ARHGAP35: variants seen among roughly 807,000 people sequenced by gnomAD.
ARHGAP35 encodes rho GTPase-activating protein 35.
ARHGAP35 carries 15 observed loss-of-function variants against 111.1 expected under a neutral mutation model. That is an observed-to-expected ratio of 0.13 (90% CI 0.09 to 0.21). The LOEUF (loss-of-function observed/expected upper bound fraction) is 0.21. Among genes scored for constraint, ARHGAP35 ranks in the 10% least tolerant of loss-of-function variants. The pLI, the probability that ARHGAP35 is intolerant of heterozygous loss-of-function variation, is 1.00. For missense variants in ARHGAP35, 1,262 were observed against 1,873.0 expected, an observed-to-expected ratio of 0.67 and a Z score of 6.02; for synonymous variants, 643 against 710.3, an observed-to-expected ratio of 0.91 and a Z score of 1.51.
At chr19:46,965,140 C>T (rs1418161301) in intron 3 of ARHGAP35, among the ~76,000 whole-genome samples, 2 of 152,088 alleles carry the variant, frequency 1.3e-5, no homozygotes, top group East Asian at 3.9e-4. Flanking sequence ...TGGTGAAACC[C>T]CGTCTCTACT....
chr19:46,900,951 TG>T, intron 1 of ARHGAP35, among the ~76,000 whole-genome samples: 1 of 152,218 alleles, frequency 6.6e-6, no homozygotes, highest in Admixed American at 6.5e-5. Flanking sequence ...CTCTACCACG[TG>T]CCGGGGCTTT....
At chr19:46,938,498 G>A (rs911795894) in intron 3 of ARHGAP35, among the ~76,000 whole-genome samples, 3 of 150,712 alleles carry the variant, frequency 2.0e-5, no homozygotes, top group East Asian at 2.0e-4. Context: ...GATTACAGGC[G>A]CCCGCCATGA....
intron 3 of ARHGAP35, among the ~76,000 whole-genome samples, chr19:46,963,864 A>T (rs1298310025): frequency 6.6e-6 from 1 of 151,912 alleles, no homozygotes; most frequent in Non-Finnish European, 1.5e-5. Flanking sequence ...TTATTTATTT[A>T]TTTTTAATTT....
At chr19:46,939,412 T>TATTC (rs1555760599) in intron 3 of ARHGAP35, among the ~76,000 whole-genome samples, 3 of 125,892 alleles carry the variant, frequency 2.4e-5, no homozygotes, top group African/African-American at 9.1e-5. Context: ...TTTATTTATT[T>TATTC]ATTATTTAAT....
rs145743445 is a variant in ARHGAP35, at chr19:46,992,304, G to A, written c.4036+2629G>A. ...TCACACCGCTAGGGAGTGGCAAGCC[G>A]GGGCTTGAGTCCCTGCGTACGTGGG... is the stretch of plus-strand genomic sequence containing the variant. On this transcript the variant is annotated intron_variant, in intron 5 of 6. Coordinates refer to ENST00000672722, the MANE Select transcript of ARHGAP35 (RefSeq NM_004491.5). This position sits in a 1 kb window ranked among gnomAD's most constrained non-coding sequence, Gnocchi z 4.4. 4.4e-4 allele frequency among the ~76,000 whole-genome samples: 67 copies of A among 152,294 alleles called. No homozygotes were observed. Among genetic ancestry groups the A allele is most frequent in the African/African-American group, 1.4e-3 (57 of 41,546 alleles).
chr19:46,897,338 A>G (rs1327810417), intron 1 of ARHGAP35, among the ~76,000 whole-genome samples: 1 of 151,930 alleles, frequency 6.6e-6, no homozygotes, highest in African/African-American at 2.4e-5. Flanking sequence ...TGTCCATTTC[A>G]TGAGGCATTT....
chr19:47,003,329 A>G lies in ARHGAP35; in HGVS notation c.*2641A>G, dbSNP rs528783407. On this transcript the variant is annotated 3_prime_UTR_variant, in exon 7 of 7. Transcript: ENST00000672722. ...TGTGTGCACAGAGGGTGCTCATGGG[A>G]CTCGCATGCAGCTCTCAGCACTGGG... The G allele has an allele frequency of 2.6e-5, 4 of 152,160 alleles. No homozygotes were observed. The South Asian group carries it at 8.3e-4, about 32-fold the overall frequency. 9.4% of individuals were successfully genotyped at this position (152,160 alleles called of 1,614,324 possible). A position where few individuals can be genotyped will look rare whatever the true frequency, so the allele number is the denominator to read the frequency against.
In ARHGAP35 at chr19:46,986,670, CTTAATA is replaced by C. The variant is rs1396845419; in HGVS notation, c.3827-1316_3827-1311del. Among the ~76,000 whole-genome samples the C allele has an allele frequency of 2.6e-5, 4 of 152,088 alleles. No homozygotes were observed. Among genetic ancestry groups the C allele is most frequent in the African/African-American group, 9.7e-5 (4 of 41,400 alleles). On this transcript the variant is annotated intron_variant, in intron 3 of 6. Transcript: ENST00000672722. This position sits in a 1 kb window ranked among gnomAD's most constrained non-coding sequence, Gnocchi z 4.3. The stretch of plus-strand genomic sequence containing the variant: ...AACATATATAACGTTGATATAATTA[CTTAATA>C]TTCATAGACTTTCTCAAGTTCAAAA...
chr19:46,937,123 A>G, intron 2 of ARHGAP35, 141 bp from the exon 3 acceptor site: 1 of 1,048,578 alleles, frequency 9.5e-7, no homozygotes, highest in Non-Finnish European at 1.4e-6. Context: ...TACAGGCATG[A>G]GTCACCGTAT....
intron 1 of ARHGAP35, among the ~76,000 whole-genome samples, chr19:46,892,407 G>A (rs1034399145): frequency 2.0e-5 from 3 of 149,358 alleles, no homozygotes; most frequent in African/African-American, 7.4e-5. Flanking sequence ...GGAAGTCTAG[G>A]CTGTAGTGAG....
intron 1 of ARHGAP35, among the ~76,000 whole-genome samples, chr19:46,881,429 G>A (rs2055961982): frequency 6.6e-6 from 1 of 152,222 alleles, no homozygotes; most frequent in South Asian, 2.1e-4. Context: ...TGGATGTTGT[G>A]TTAGCAGGCA....
chr19:46,931,746 C>T (rs774758383), intron 2 of ARHGAP35, among the ~76,000 whole-genome samples: 3 of 152,066 alleles, frequency 2.0e-5, no homozygotes, highest in African/African-American at 7.2e-5. Flanking sequence ...GGCATTTCTT[C>T]GTGGAGGAGA....
intron 1 of ARHGAP35, among the ~76,000 whole-genome samples, chr19:46,890,416 G>A (rs2056018117): frequency 6.6e-6 from 1 of 152,220 alleles, no homozygotes; most frequent in Non-Finnish European, 1.5e-5. Context: ...TGAGGCCCAT[G>A]CTGGGCAGTG....
rs558437297 is a variant in ARHGAP35 at position 46,993,498 on chromosome 19, C to T, written c.4036+3823C>T. ...GCCGCCACTTTGTTTGACCTTGGAC[C>T]GGTATTCTGGCTTTGTGAGGCCTGG... On this transcript the variant is annotated intron_variant, in intron 5 of 6. Coordinates refer to ENST00000672722, the MANE Select transcript of ARHGAP35 (RefSeq NM_004491.5). This position sits in a 1 kb window ranked among gnomAD's most constrained non-coding sequence, Gnocchi z 4.6. Among the ~76,000 whole-genome samples the T allele has an allele frequency of 3.9e-5, 6 of 152,268 alleles. No individual in the cohort carries two copies. Among genetic ancestry groups the T allele is most frequent in the South Asian group, 4.1e-4 (2 of 4,826 alleles).
chr19:46,978,911 G>T (rs1436666567), intron 3 of ARHGAP35, among the ~76,000 whole-genome samples: 2 of 130,710 alleles, frequency 1.5e-5, no homozygotes, highest in African/African-American at 5.8e-5. Flanking sequence ...GTGTGGTGGG[G>T]TGTGTGTGTG....
intron 3 of ARHGAP35, among the ~76,000 whole-genome samples, chr19:46,961,054 C>T (rs1599848868): frequency 6.6e-6 from 1 of 152,214 alleles, no homozygotes; most frequent in East Asian, 1.9e-4. Flanking sequence ...GCCACCACGC[C>T]CAGCTAATTT....
At chr19:46,978,713 G>GTGGTGGGGCATGTGT (rs1272072205) in intron 3 of ARHGAP35, among the ~76,000 whole-genome samples, 9 of 140,494 alleles carry the variant, frequency 6.4e-5, no homozygotes, top group Non-Finnish European at 1.4e-4. Flanking sequence ...GCATGTGTGT[G>GTGGTGGGGCATGTGT]GTGGGATGTG....
At chr19:46,982,621 A>G (rs2056626967) in intron 3 of ARHGAP35, among the ~76,000 whole-genome samples, 1 of 152,174 alleles carries the variant, frequency 6.6e-6, no homozygotes, top group African/African-American at 2.4e-5. Context: ...TTATTGAATC[A>G]TAGAATTCAA....
chr19:46,990,353 C>G (rs1016128752), intron 5 of ARHGAP35, among the ~76,000 whole-genome samples: 3 of 152,246 alleles, frequency 2.0e-5, no homozygotes, highest in African/African-American at 4.8e-5. Context: ...GATGGGCGAG[C>G]CTTCTCACTG....
Sources: allele counts gnomAD v4.1 joint callset (sites outside exome capture counted in the v4.1 genomes callset), GRCh38; gene constraint gnomAD v4.1.1; non-coding constraint Gnocchi (gnomAD v3.1); transcripts MANE v1.5; gene names NCBI Gene and HGNC (gene_info 2026-07-23, HGNC 2026-07-21).